The following PATL2 variants were observed in gnomAD, a reference collection of about 807,000 sequenced individuals.
PATL2 encodes PAT1 homolog 2.
PATL2 carries 73 observed loss-of-function variants against 77.0 expected under a neutral mutation model. The ratio of observed to expected loss-of-function variants is 0.95; its 90% CI spans 0.78 to 1.15. The LOEUF (loss-of-function observed/expected upper bound fraction) is 1.15, where lower values mean the gene tolerates loss of function less well. PATL2 is among the 50% of genes most tolerant of loss of function. The probability of loss-of-function intolerance (pLI) is 0.00; values close to 1 mark genes in which losing one functional copy is unlikely to be tolerated. For synonymous variants in PATL2, 265 were observed against 257.1 expected, an observed-to-expected ratio of 1.03 and a Z score of -0.29; for missense variants, 618 against 655.4, an observed-to-expected ratio of 0.94 and a Z score of 0.62.
At chr15:44,699,979 C>G (rs1362852757) in intron 3 of PATL2, among the ~76,000 whole-genome samples, 1 of 152,028 alleles carries the variant, frequency 6.6e-6, no homozygotes, top group Non-Finnish European at 1.5e-5. Flanking sequence ...TTTGGCTGTT[C>G]TGGGCCTTTT....
At chr15:44,690,032 A>T (rs561583936) in intron 3 of PATL2, among the ~76,000 whole-genome samples, 6 of 152,256 alleles carry the variant, frequency 3.9e-5, no homozygotes, top group Admixed American at 3.9e-4. Context: ...TCTACTAAAA[A>T]TACAAAATTA....
intron 3 of PATL2, among the ~76,000 whole-genome samples, chr15:44,679,554 T>TTTTA (rs2086084924): frequency 8.1e-6 from 1 of 122,838 alleles, no homozygotes; most frequent in Non-Finnish European, 1.6e-5. Flanking sequence ...TTCTTTTTCT[T>TTTTA]TTTTTTTTTT....
chr15:44,706,580 T>C (rs990338645), intron 3 of PATL2, among the ~76,000 whole-genome samples: 1 of 152,248 alleles, frequency 6.6e-6, no homozygotes. Flanking sequence ...CAGAGACTCT[T>C]ATTGTCTTCC....
At chr15:44,696,221 C>A (rs1452415278) in intron 3 of PATL2, among the ~76,000 whole-genome samples, 1 of 152,162 alleles carries the variant, frequency 6.6e-6, no homozygotes, top group African/African-American at 2.4e-5. Flanking sequence ...GGAAGCTGTG[C>A]CAGTAATTTA....
At chr15:44,683,018 A>T (rs1411608277) in intron 3 of PATL2, among the ~76,000 whole-genome samples, 1 of 152,134 alleles carries the variant, frequency 6.6e-6, no homozygotes, top group Non-Finnish European at 1.5e-5. Flanking sequence ...TAGCCAAGGG[A>T]CTGTGAGGGA....
intron 3 of PATL2, among the ~76,000 whole-genome samples, chr15:44,679,158 G>A (rs1196828859): frequency 1.3e-5 from 2 of 152,046 alleles, no homozygotes; most frequent in African/African-American, 4.8e-5. Context: ...CACCTCCTGT[G>A]TTCAAGCAAT....
intron 3 of PATL2, among the ~76,000 whole-genome samples, chr15:44,690,121 G>A (rs1051256548): frequency 1.4e-4 from 21 of 152,000 alleles, no homozygotes; most frequent in Admixed American, 3.9e-4. Context: ...CATGGGAGGC[G>A]GAGGTTGCCA....
Position 44,675,618 on chromosome 15 carries a change from T to C in PATL2, c.90A>G (p.Glu30=). ...LVSACQLEKE[E]ENEGEEEEEE... ...CTTCCTCCTCCTCCCCTTCATTCTC[T>C]TCTTCTTTTTCCAACTGGCAGGCAG... The change falls in exon 5 of 18, where the codon GAA becomes GAG. Residue 30 remains glutamate (E), a synonymous_variant. Coordinates refer to ENST00000682850, the MANE Select transcript of PATL2 (RefSeq NM_001387263.1). 1 of 1,551,920 alleles carries C rather than the reference T, an allele frequency of 6.4e-7. No individual in the cohort carries two copies. The highest frequency in any genetic ancestry group is 8.7e-7 in the Non-Finnish European group (1 of 1,147,032).
At position 44,665,984 on chromosome 15, in the gene PATL2, C is replaced by G. The variant is rs1230910450; in HGVS notation, c.1614-13G>C. 9.2e-6 allele frequency: 14 copies of G among 1,526,682 alleles called. No homozygotes were observed. The highest frequency in any genetic ancestry group is 1.4e-5 in the African/African-American group (1 of 71,382). The allele number at this position is 1,526,682 out of a possible 1,614,324, so 94.6% of individuals were successfully genotyped here. ...AATCCAGGCAAACCTATAAAGAGAA[C>G]AGATATTAACTGCAAGCACAATTCT... On this transcript the variant is annotated splice_polypyrimidine_tract_variant and intron_variant, in intron 17 of 17. Coordinates refer to ENST00000682850, the MANE Select transcript of PATL2 (RefSeq NM_001387263.1).
chr15:44,673,305 C>T lies in PATL2; in HGVS notation c.376G>A (p.Gly126Arg). The T allele has an allele frequency of 6.4e-7, 1 of 1,551,612 alleles. No individual in the cohort carries two copies. Among genetic ancestry groups the T allele is most frequent in the Non-Finnish European group, 8.7e-7 (1 of 1,146,980 alleles). Residue 126 changes from glycine (G) to arginine (R), a missense_variant, in exon 7 of 18, where the codon GGA (glycine) becomes AGA (arginine). Physicochemically the swap from Gly to Arg is moderately radical, Grantham distance 125 (BLOSUM62 -2). Transcript: ENST00000682850. ...GGGTCTGGTGAGGGCAGCCGAGGTC[C>T]AAAGTGCTGTGCTGGAGAGCTGGTG... Reference protein sequence around the residue: ...PSTSSPAQHFGPRLPSPDPTL... With the variant: ...PSTSSPAQHFRPRLPSPDPTL...
chr15:44,669,966 C>A lies in PATL2; in HGVS notation c.778+1G>T. ...AGTCAGCAGGTCAGCCCTGACCCTA[C>A]CGGACTCATAAGCCTCTGCCTTCGG... On this transcript the variant is annotated splice_donor_variant, in intron 10 of 17. Transcript: ENST00000682850. LOFTEE classifies it high-confidence loss of function. 6.5e-7 allele frequency: 1 copy of A among 1,549,004 alleles called. No homozygotes were observed. The highest frequency in any genetic ancestry group is 8.7e-7 in the Non-Finnish European group (1 of 1,145,710).
intron 3 of PATL2, among the ~76,000 whole-genome samples, chr15:44,694,158 G>A (rs986712256): frequency 2.0e-5 from 3 of 152,198 alleles, no homozygotes; most frequent in Admixed American, 1.3e-4. Context: ...TCTGAGTTAT[G>A]TACTGACTGA....
At chr15:44,683,698 A>T (rs912340980) in intron 3 of PATL2, among the ~76,000 whole-genome samples, 1 of 151,994 alleles carries the variant, frequency 6.6e-6, no homozygotes, top group Admixed American at 6.6e-5. Flanking sequence ...CTGCCTGCTG[A>T]CTCTGAAGAG....
intron 17 of PATL2, 25 bp downstream of exon 17, chr15:44,666,367 T>G: frequency 6.4e-7 from 1 of 1,551,360 alleles, no homozygotes; most frequent in East Asian, 2.4e-5. Context: ...CAAGGGGCTT[T>G]GACCTTGTTT....
intron 3 of PATL2, among the ~76,000 whole-genome samples, chr15:44,699,917 T>C (rs2086592709): frequency 6.6e-6 from 1 of 151,952 alleles, no homozygotes; most frequent in Admixed American, 6.5e-5. Flanking sequence ...GTAGTATAAT[T>C]TGAAGTCAGG....
At chr15:44,707,768 C>T in intron 3 of PATL2, among the ~76,000 whole-genome samples, 1 of 152,206 alleles carries the variant, frequency 6.6e-6, no homozygotes, top group East Asian at 1.9e-4. Flanking sequence ...CCCCCACATT[C>T]ACTGGCTCTG....
At chr15:44,670,893 C>T (rs954919563) in intron 9 of PATL2, among the ~76,000 whole-genome samples, 17 of 152,352 alleles carry the variant, frequency 1.1e-4, no homozygotes, top group African/African-American at 3.8e-4. Context: ...AAGTGTTTGT[C>T]AGTTGCCCTC....
At chr15:44,703,464 C>T (rs1229822322) in intron 3 of PATL2, among the ~76,000 whole-genome samples, 1 of 151,946 alleles carries the variant, frequency 6.6e-6, no homozygotes, top group African/African-American at 2.4e-5. Flanking sequence ...TAGCTGGGTG[C>T]TCCAGTTGGA....
intron 3 of PATL2, among the ~76,000 whole-genome samples, chr15:44,709,325 TA>T (rs1390046733): frequency 1.3e-5 from 2 of 152,116 alleles, no homozygotes; most frequent in Admixed American, 6.6e-5. Context: ...GAGGGTTATA[TA>T]GGGGAAAAAA....
Sources: gnomAD v4.1 joint callset for allele counts (sites outside exome capture counted in the v4.1 genomes callset) on GRCh38, gnomAD v4.1.1 for gene constraint, MANE v1.5 for transcripts, NCBI Gene and HGNC (gene_info 2026-07-23, HGNC 2026-07-21) for gene names.